TBX5: variants seen among roughly 807,000 people sequenced by gnomAD.
TBX5 encodes the protein T-box transcription factor 5, also known as T-box transcription factor TBX5.
TBX5 carries 8 observed loss-of-function variants against 51.1 expected under a neutral mutation model. The ratio of observed to expected loss-of-function variants is 0.16; its 90% confidence interval spans 0.09 to 0.28. TBX5 has a LOEUF of 0.28. TBX5 is among the 10% of genes least tolerant of loss of function. TBX5 has a pLI of 1.00. For synonymous variants in TBX5, 302 were observed against 266.4 expected (o/e 1.13, Z -1.30); for missense variants, 589 against 671.7 (o/e 0.88, Z 1.36).
chr12:114,385,548 T>C lies in TBX5; in HGVS notation c.683A>G (p.Glu228Gly). The change falls in exon 7 of 9, where the codon GAG becomes GGG. Residue 228 changes from glutamate to glycine, a missense_variant. By Grantham distance (98) the Glu-to-Gly change is moderately conservative. This residue lies in a region of TBX5 where 5 missense variants were observed against 31.9 expected (regional missense o/e 0.16). Transcript: ENST00000405440. ...QNHKITQLKI[E>G]NNPFAKGFRG... ...AAATCCTTTGGCAAAGGGATTATTC[T>C]CAATCTTTAATTGCGTGATCTGAAG... The C allele has an allele frequency of 6.2e-7, 1 of 1,614,160 alleles. No individual in the cohort carries two copies. The highest frequency in any genetic ancestry group is 8.5e-7 in the Non-Finnish European group (1 of 1,180,022).
chr12:114,381,374 C>T (rs1870497423), intron 7 of TBX5, among the ~76,000 whole-genome samples: 2 of 152,096 alleles, frequency 1.3e-5, no homozygotes, highest in South Asian at 2.1e-4. Context: ...GTGAGCCTGC[C>T]GTTCCTGCCT....
At chr12:114,365,168 ATGTGTGTG>A (rs10536626) in intron 8 of TBX5, among the ~76,000 whole-genome samples, 5 of 147,532 alleles carry the variant, frequency 3.4e-5, no homozygotes, top group Middle Eastern at 3.4e-3. Context: ...ATCATTTGTG[ATGTGTGTG>A]TGTGTGTGTG....
intron 7 of TBX5, among the ~76,000 whole-genome samples, chr12:114,381,895 C>T (rs2136393374): frequency 6.6e-6 from 1 of 152,336 alleles, no homozygotes; most frequent in African/African-American, 2.4e-5. Flanking sequence ...GCCACAAAGA[C>T]ACACATGGCT....
intron 6 of TBX5, among the ~76,000 whole-genome samples, chr12:114,392,940 G>A (rs1871240644): frequency 6.6e-6 from 1 of 152,170 alleles, no homozygotes; most frequent in Non-Finnish European, 1.5e-5. Flanking sequence ...GTCTTGAGGG[G>A]AATGAGTTTT....
chr12:114,402,280 C>CAA (rs113276288), intron 2 of TBX5, among the ~76,000 whole-genome samples: 15 of 147,924 alleles, frequency 1.0e-4, no homozygotes, highest in East Asian at 9.7e-4. Flanking sequence ...ACAAACAAAC[C>CAA]AAAAAAAAAA....
chr12:114,367,975 A>G (rs542594006), intron 7 of TBX5, among the ~76,000 whole-genome samples: 8 of 152,332 alleles, frequency 5.3e-5, no homozygotes, highest in South Asian at 2.1e-4. Context: ...ATGGCATCAA[A>G]CAGTTTAAGA....
At chr12:114,396,439 T>A (rs542395649) in intron 5 of TBX5, among the ~76,000 whole-genome samples, 1 of 152,228 alleles carries the variant, frequency 6.6e-6, no homozygotes, top group African/African-American at 2.4e-5. Flanking sequence ...AGGCCGGCTC[T>A]GAATTAAAAG....
chr12:114,375,915 C>T (rs542630364), intron 7 of TBX5, among the ~76,000 whole-genome samples: 11 of 151,948 alleles, frequency 7.2e-5, no homozygotes, highest in Non-Finnish European at 1.3e-4. Context: ...CATGGTGGCA[C>T]GTGCCTGTAG....
At chr12:114,359,995 TG>T (rs1869144389) in intron 8 of TBX5, among the ~76,000 whole-genome samples, 2 of 152,202 alleles carry the variant, frequency 1.3e-5, no homozygotes, top group African/African-American at 4.8e-5. Context: ...TAATAGTATT[TG>T]GGTAGATTAC....
intron 7 of TBX5, 121 bp downstream of exon 7, chr12:114,385,355 A>G (rs1870751291): frequency 2.1e-5 from 18 of 856,594 alleles, no homozygotes; most frequent in Non-Finnish European, 3.6e-5. Flanking sequence ...CCCCATTTCC[A>G]TGTGCCTGGC....
intron 1 of TBX5, among the ~76,000 whole-genome samples, chr12:114,404,320 C>T (rs1276223268): frequency 5.3e-5 from 8 of 152,028 alleles, no homozygotes; most frequent in South Asian, 4.2e-4. Flanking sequence ...TGGGTAGGAA[C>T]CAAAAACAAA....
At chr12:114,356,556 C>CA (rs1868931273) in intron 8 of TBX5, among the ~76,000 whole-genome samples, 2 of 151,864 alleles carry the variant, frequency 1.3e-5, no homozygotes, top group African/African-American at 4.8e-5. Context: ...ATAGTGAGAC[C>CA]CCCCATCTCA....
At chr12:114,381,445 C>G (rs1870500248) in intron 7 of TBX5, among the ~76,000 whole-genome samples, 1 of 152,142 alleles carries the variant, frequency 6.6e-6, no homozygotes, top group African/African-American at 2.4e-5. Context: ...CTGACTGCAA[C>G]CTGGGGGTTG....
chr12:114,397,445 C>T (rs78706564), intron 5 of TBX5, among the ~76,000 whole-genome samples: 1,908 of 152,334 alleles, frequency 0.013, 45 homozygotes, highest in African/African-American at 0.044. Context: ...GCAGAATCAT[C>T]CAGCTAAAAG....
intron 7 of TBX5, among the ~76,000 whole-genome samples, chr12:114,369,277 G>A (rs1317478669): frequency 6.6e-6 from 1 of 152,168 alleles, no homozygotes; most frequent in Non-Finnish European, 1.5e-5. Flanking sequence ...CTCCGTTCCA[G>A]TACAGCCAAA....
chr12:114,398,476 T>G, intron 5 of TBX5, 97 bp downstream of exon 5: 2 of 1,506,988 alleles, frequency 1.3e-6, no homozygotes, highest in South Asian at 2.4e-5. Context: ...AGGAGAAATG[T>G]AGGCACACAG....
chr12:114,383,883 C>T (rs1870649577), intron 7 of TBX5, among the ~76,000 whole-genome samples: 1 of 152,152 alleles, frequency 6.6e-6, no homozygotes, highest in African/African-American at 2.4e-5. Context: ...CCCACCTGCA[C>T]AGCAGGAACT....
At chr12:114,361,724 G>C (rs1013403762) in intron 8 of TBX5, among the ~76,000 whole-genome samples, 3 of 152,184 alleles carry the variant, frequency 2.0e-5, no homozygotes, top group Non-Finnish European at 4.4e-5. Context: ...ACCACCCATG[G>C]AGTTATCACT....
intron 2 of TBX5, among the ~76,000 whole-genome samples, chr12:114,402,579 A>C (rs1427921182): frequency 6.6e-6 from 1 of 152,124 alleles, no homozygotes; most frequent in Non-Finnish European, 1.5e-5. Flanking sequence ...ATATTAACAA[A>C]CCTTCCAGGC....
Sources: allele counts gnomAD v4.1 joint callset (sites outside exome capture counted in the v4.1 genomes callset), GRCh38; gene constraint gnomAD v4.1.1; regional missense constraint gnomAD v4.1.1; transcripts MANE v1.5; gene names NCBI Gene and HGNC (gene_info 2026-07-23, HGNC 2026-07-21).